The following ATXN1 variants were observed in gnomAD, a reference collection of about 807,000 sequenced individuals.
ATXN1 encodes the protein ataxin-1.
ATXN1 carries 8 observed loss-of-function variants against 56.4 expected under a neutral mutation model. That is an observed-to-expected ratio of 0.14 (90% CI 0.08 to 0.26). ATXN1 has a LOEUF of 0.26. Ranked by LOEUF, ATXN1 falls within the 10% of genes least tolerant of loss-of-function variation. The pLI is 1.00. For missense variants in ATXN1, 987 were observed against 1,106.5 expected, an observed-to-expected ratio of 0.89 and a Z score of 1.53; for synonymous variants, 514 against 494.6, an observed-to-expected ratio of 1.04 and a Z score of -0.52.
intron 4 of ATXN1, among the ~76,000 whole-genome samples, chr6:16,559,700 AC>A (rs1762079904): frequency 6.6e-6 from 1 of 152,192 alleles, no homozygotes; most frequent in Non-Finnish European, 1.5e-5. Context: ...TTTTCCTTGT[AC>A]ATCTATCGTA....
chr6:16,579,497 G>A (rs867162464), intron 4 of ATXN1, among the ~76,000 whole-genome samples: 1 of 23,842 alleles, frequency 4.2e-5, no homozygotes, highest in African/African-American at 8.8e-5. Flanking sequence ...CCCCCCACCC[G>A]CCGATTCATT....
chr6:16,477,868 A>G (rs1400267004), intron 6 of ATXN1, among the ~76,000 whole-genome samples: 2 of 152,128 alleles, frequency 1.3e-5, no homozygotes, highest in Non-Finnish European at 2.9e-5. Context: ...TGACACTCCC[A>G]TGATACACTT....
intron 3 of ATXN1, among the ~76,000 whole-genome samples, chr6:16,587,744 C>A (rs931231218): frequency 2.6e-5 from 4 of 151,734 alleles, no homozygotes; most frequent in African/African-American, 9.7e-5. Context: ...ACCAGCCTGG[C>A]CAACATGGTG....
intron 6 of ATXN1, among the ~76,000 whole-genome samples, chr6:16,478,920 A>C (rs1760380936): frequency 6.6e-6 from 1 of 152,214 alleles, no homozygotes; most frequent in Non-Finnish European, 1.5e-5. Flanking sequence ...GGACCTGTGC[A>C]GGGGTCCAGC....
chr6:16,674,270 A>C (rs1758610029), intron 2 of ATXN1, among the ~76,000 whole-genome samples: 1 of 150,152 alleles, frequency 6.7e-6, no homozygotes. Context: ...CTCACAATTC[A>C]TCCATACTGC....
At chr6:16,550,899 T>C (rs981113108) in intron 4 of ATXN1, among the ~76,000 whole-genome samples, 3 of 152,206 alleles carry the variant, frequency 2.0e-5, no homozygotes, top group African/African-American at 7.2e-5. Context: ...TTTTTCCTTA[T>C]AAAAATCATG....
chr6:16,694,914 G>T (rs142529362), intron 2 of ATXN1, among the ~76,000 whole-genome samples: 1 of 152,124 alleles, frequency 6.6e-6, no homozygotes, highest in Non-Finnish European at 1.5e-5. Flanking sequence ...TCTTGGTTGC[G>T]TACTCTACCA....
intron 7 of ATXN1, among the ~76,000 whole-genome samples, chr6:16,309,980 G>C (rs1760352266): frequency 6.6e-6 from 1 of 151,014 alleles, no homozygotes; most frequent in African/African-American, 2.4e-5. Context: ...GTTGCAGTGA[G>C]CCAAGATCGT....
chr6:16,521,427 A>G (rs1251612138), intron 5 of ATXN1, among the ~76,000 whole-genome samples: 2 of 152,184 alleles, frequency 1.3e-5, no homozygotes, highest in African/African-American at 2.4e-5. Flanking sequence ...GCATGGTGGC[A>G]GGCACCTGTA....
intron 2 of ATXN1, among the ~76,000 whole-genome samples, chr6:16,700,325 T>C (rs957186668): frequency 2.0e-5 from 3 of 152,262 alleles, no homozygotes; most frequent in Non-Finnish European, 2.9e-5. Flanking sequence ...GCAGAAAAGA[T>C]AAGAACACAG....
In ATXN1 at chr6:16,327,599, AC is replaced by A; in HGVS notation, c.711del (p.Ser238ProfsTer39). 6.3e-7 allele frequency: 1 copy of A among 1,582,108 alleles called. No individual in the cohort carries two copies. ...LSRAPGLITP[G>X]SPPPAQQNQY... ...TGGTTCTGCTGGGCTGGTGGGGGGG[AC>A]CCCGGGGTGATGAGCCCCGGAGCCC... On this transcript the variant is annotated frameshift_variant, in exon 7 of 8. Coordinates refer to ENST00000436367, the MANE Select transcript of ATXN1 (RefSeq NM_001128164.2). LOFTEE classifies it high-confidence loss of function.
chr6:16,584,439 T>C (rs184473434), intron 4 of ATXN1, among the ~76,000 whole-genome samples: 2 of 152,004 alleles, frequency 1.3e-5, no homozygotes, highest in Admixed American at 6.6e-5. Flanking sequence ...TGAAAAATGA[T>C]TGTATCTAGT....
intron 4 of ATXN1, among the ~76,000 whole-genome samples, chr6:16,550,056 G>C (rs1478764904): frequency 6.6e-6 from 1 of 150,470 alleles, no homozygotes; most frequent in Non-Finnish European, 1.5e-5. Flanking sequence ...CAGGTTAATA[G>C]GTGCAGCAAA....
chr6:16,440,054 G>T (rs1023222374), intron 6 of ATXN1, among the ~76,000 whole-genome samples: 24 of 142,448 alleles, frequency 1.7e-4, no homozygotes, highest in Admixed American at 1.1e-3. Context: ...CAGCCTGGGG[G>T]ACAAGAGCAA....
At chr6:16,347,036 G>A (rs1262971879) in intron 6 of ATXN1, among the ~76,000 whole-genome samples, 2 of 152,248 alleles carry the variant, frequency 1.3e-5, no homozygotes, top group Non-Finnish European at 2.9e-5. Context: ...GCCAGCAGCC[G>A]CTGTGCTCAA....
intron 2 of ATXN1, among the ~76,000 whole-genome samples, chr6:16,674,336 CTTTT>C (rs869081370): frequency 2.3e-4 from 18 of 78,114 alleles, no homozygotes; most frequent in Admixed American, 1.2e-3. Flanking sequence ...AGAGAACTTT[CTTTT>C]TTTTTTTTTT....
At chr6:16,599,623 A>C (rs1762878511) in intron 3 of ATXN1, among the ~76,000 whole-genome samples, 1 of 151,872 alleles carries the variant, frequency 6.6e-6, no homozygotes, top group South Asian at 2.1e-4. Flanking sequence ...AGACAGGAGA[A>C]CAGCTTGAAC....
chr6:16,583,154 T>C (rs979962955), intron 4 of ATXN1, among the ~76,000 whole-genome samples: 2 of 152,250 alleles, frequency 1.3e-5, no homozygotes, highest in African/African-American at 2.4e-5. Flanking sequence ...TAAGCTAACA[T>C]GTCTTAATTA....
chr6:16,675,372 G>T (rs1268718946), intron 2 of ATXN1, among the ~76,000 whole-genome samples: 1 of 152,174 alleles, frequency 6.6e-6, no homozygotes, highest in African/African-American at 2.4e-5. Flanking sequence ...TCACATGACT[G>T]AGGATCTAAG....
Sources: gnomAD v4.1 joint callset for allele counts (sites outside exome capture counted in the v4.1 genomes callset) on GRCh38, gnomAD v4.1.1 for gene constraint, MANE v1.5 for transcripts, NCBI Gene and HGNC (gene_info 2026-07-23, HGNC 2026-07-21) for gene names.